The following DYNC2H1 variants were observed in gnomAD, a reference collection of about 807,000 sequenced individuals.
The protein encoded by DYNC2H1 is dynein cytoplasmic 2 heavy chain 1.
A neutral mutation model predicts 570.0 loss-of-function variants in DYNC2H1; 410 were observed. The ratio of observed to expected loss-of-function variants is 0.72; its 90% CI spans 0.66 to 0.78. The LOEUF (loss-of-function observed/expected upper bound fraction) is 0.78, where lower values mean the gene tolerates loss of function less well. Among genes scored for constraint, DYNC2H1 ranks in the 30% least tolerant of loss-of-function variants. DYNC2H1 has a pLI of 0.00. For synonymous variants in DYNC2H1, 1,688 were observed against 1,677.6 expected, an observed-to-expected ratio of 1.01 and a Z score of -0.15; for missense variants, 4,865 against 5,046.4, an observed-to-expected ratio of 0.96 and a Z score of 1.09.
At chr11:103,444,397 G>T (rs551888) in intron 85 of DYNC2H1, among the ~76,000 whole-genome samples, 92,395 of 151,726 alleles carry the variant, frequency 0.61, 29,884 homozygotes, top group African/African-American at 0.81. Context: ...CTTGTTGACA[G>T]TACTAACATT....
intron 20 of DYNC2H1, 79 bp downstream of exon 20, chr11:103,148,696 T>G (rs1423086758): frequency 6.9e-7 from 1 of 1,449,304 alleles, no homozygotes; most frequent in Non-Finnish European, 9.2e-7. Flanking sequence ...TTTATGTCAT[T>G]ATTTACAAAT....
In DYNC2H1 at chr11:103,156,532, G is replaced by T; in HGVS notation, c.3889G>T (p.Asp1297Tyr). The T allele has an allele frequency of 1.2e-6, 2 of 1,613,760 alleles. No individual in the cohort carries two copies. The highest frequency in any genetic ancestry group is 2.7e-5 in the African/African-American group (2 of 75,028). The change falls in exon 26 of 89, where the codon GAT becomes TAT. Residue 1297 changes from aspartate to tyrosine, a missense_variant. By Grantham distance (160) the Asp-to-Tyr change is radical. Around this residue, in one of 5 missense-constraint regions of DYNC2H1, gnomAD observed 1,936 missense variants for 1,962.1 expected, o/e 0.99. Transcript: ENST00000375735. ...TATGAAGCTGATTAAAGACTGGAAAGATATAGTAAATCAGGTTGGAGATAA... is the reference window on the plus strand; with the variant it reads ...TATGAAGCTGATTAAAGACTGGAAATATATAGTAAATCAGGTTGGAGATAA... ...RTMKLIKDWK[D>Y]IVNQVGDNRC...
At chr11:103,195,436 A>AT (rs1277612689) in intron 47 of DYNC2H1, among the ~76,000 whole-genome samples, 4 of 152,238 alleles carry the variant, frequency 2.6e-5, no homozygotes, top group Admixed American at 2.6e-4. Context: ...TTCTGCCTGA[A>AT]TTGCTTTTGC....
At chr11:103,290,460 A>G (rs1028431988) in intron 75 of DYNC2H1, among the ~76,000 whole-genome samples, 3 of 152,192 alleles carry the variant, frequency 2.0e-5, no homozygotes, top group Non-Finnish European at 4.4e-5. Context: ...TTGGCAGAGT[A>G]ATTATCCACC....
intron 72 of DYNC2H1, 73 bp from the exon 73 acceptor site, chr11:103,282,935 G>A: frequency 9.5e-7 from 1 of 1,055,698 alleles, no homozygotes; most frequent in Non-Finnish European, 1.4e-6. Flanking sequence ...TAATAAAATA[G>A]CTAATCAATT....
intron 17 of DYNC2H1, among the ~76,000 whole-genome samples, chr11:103,136,512 A>G (rs9734946): frequency 0.83 from 125,619 of 151,908 alleles, 53,732 homozygotes; most frequent in Non-Finnish European, 0.92. Flanking sequence ...TACTGAGAAT[A>G]ATGATTTCCA....
Position 103,479,780 on chromosome 11 carries a change from CTT to C in DYNC2H1, c.*528_*529del, listed in dbSNP as rs1945684193. On this transcript the variant is annotated 3_prime_UTR_variant, in exon 89 of 89. Coordinates refer to ENST00000375735, the MANE Select transcript of DYNC2H1 (RefSeq NM_001377.3). The stretch of plus-strand genomic sequence containing the variant: ...ATAATTATATACTTATAACTAATAT[CTT>C]AAGGTAATTCAAATAGGAATAATTC... The C allele has an allele frequency of 6.6e-6, 1 of 151,740 alleles. No individual in the cohort carries two copies. The highest frequency in any genetic ancestry group is 2.1e-4 in the South Asian group (1 of 4,818). 9.4% of individuals were successfully genotyped at this position (151,740 alleles called of 1,614,324 possible).
At position 103,134,898 on chromosome 11, in the gene DYNC2H1, G is replaced by A. The variant is rs2134776509; in HGVS notation, c.2205+479G>A. Among the ~76,000 whole-genome samples the A allele has an allele frequency of 1.3e-5, 2 of 152,050 alleles. 1 individual carries two copies. The highest frequency in any genetic ancestry group is 4.2e-4 in the South Asian group (2 of 4,806). ...GCACAAAGCCTGCTACATAGTAGATGGTAATGAAATCTTAGCAGAATATGA... is the reference window on the plus strand; with the variant it reads ...GCACAAAGCCTGCTACATAGTAGATAGTAATGAAATCTTAGCAGAATATGA... On this transcript the variant is annotated intron_variant, in intron 15 of 88. Coordinates refer to ENST00000375735, the MANE Select transcript of DYNC2H1 (RefSeq NM_001377.3).
chr11:103,115,696 T>C (rs1403536910), intron 4 of DYNC2H1, among the ~76,000 whole-genome samples: 1 of 151,970 alleles, frequency 6.6e-6, no homozygotes, highest in Admixed American at 6.6e-5. Context: ...TGAGGCAGGA[T>C]AATCACCTGA....
intron 70 of DYNC2H1, among the ~76,000 whole-genome samples, chr11:103,276,668 T>C (rs1865918420): frequency 6.6e-6 from 1 of 152,146 alleles, no homozygotes; most frequent in Admixed American, 6.6e-5. Context: ...TCCATATATG[T>C]ATGTTTTTAT....
At chr11:103,374,590 T>A (rs1941315540) in intron 83 of DYNC2H1, among the ~76,000 whole-genome samples, 1 of 152,166 alleles carries the variant, frequency 6.6e-6, no homozygotes, top group Non-Finnish European at 1.5e-5. Context: ...ACCAAAATGC[T>A]GATAGTGATA....
intron 48 of DYNC2H1, among the ~76,000 whole-genome samples, chr11:103,198,280 G>T (rs1369618820): frequency 6.6e-6 from 1 of 152,118 alleles, no homozygotes; most frequent in African/African-American, 2.4e-5. Context: ...TTTGGGCAAA[G>T]GTATGTTGGA....
chr11:103,399,800 CAA>C lies in DYNC2H1; in HGVS notation c.12296_12297del (p.Lys4099SerfsTer58), dbSNP rs745679042. The C allele has an allele frequency of 1.2e-6, 2 of 1,613,922 alleles. No homozygotes were observed. The highest frequency in any genetic ancestry group is 1.1e-5 in the South Asian group (1 of 91,084). On this transcript the variant is annotated frameshift_variant, in exon 84 of 89. Transcript: ENST00000375735. LOFTEE classifies it high-confidence loss of function. ...TCCACCAGTCTCTTGCTGCTCTCAG[CAA>C]AGTCATCAGAGGAACTACTTTACTG... ...SVHQSLAALSKVIRGTTLLSS... is the reference protein window; with the variant it reads ...SVHQSLAALSXVIRGTTLLSS...
intron 24 of DYNC2H1, 22 bp downstream of exon 24, chr11:103,154,831 G>T (rs893851753): frequency 6.6e-7 from 1 of 1,509,264 alleles, no homozygotes; most frequent in Non-Finnish European, 8.9e-7. Flanking sequence ...TTATTATTTT[G>T]CCAATTAAAA....
chr11:103,217,625 A>G (rs936208612), intron 55 of DYNC2H1, among the ~76,000 whole-genome samples: 4 of 152,184 alleles, frequency 2.6e-5, no homozygotes, highest in Non-Finnish European at 5.9e-5. Context: ...ATGAAATTAT[A>G]AAACTTAGAA....
chr11:103,222,140 C>T lies in DYNC2H1; in HGVS notation c.9218C>T (p.Ser3073Phe). 1 of 1,558,762 alleles carries T rather than the reference C, an allele frequency of 6.4e-7. No homozygotes were observed. The highest frequency in any genetic ancestry group is 8.7e-7 in the Non-Finnish European group (1 of 1,147,730). ...GAACTTCTTTTTAAAAATAAAGGCT[C>T]TTTTGATCCAAAGGTAATTTTTAAG... The part of the protein sequence containing the change: ...VEELLFKNKG[S>F]FDPKNAKRAS... The change falls in exon 58 of 89, where the codon TCT (serine) becomes TTT (phenylalanine). Residue 3073 changes from serine (S) to phenylalanine (F), a missense_variant. By Grantham distance (155) the Ser-to-Phe change is radical. Around this residue, in one of 5 missense-constraint regions of DYNC2H1, gnomAD observed 2,401 missense variants for 2,454.6 expected, o/e 0.98. Coordinates refer to ENST00000375735, the MANE Select transcript of DYNC2H1 (RefSeq NM_001377.3).
chr11:103,169,798 G>A (rs944865411), intron 32 of DYNC2H1, among the ~76,000 whole-genome samples: 5 of 152,110 alleles, frequency 3.3e-5, no homozygotes, highest in Non-Finnish European at 7.4e-5. Context: ...GATGATTACT[G>A]TATAATAATT....
Position 103,112,925 on chromosome 11 carries a change from C to T in DYNC2H1, c.196-612C>T, listed in dbSNP as rs116987740. 1.1e-4 allele frequency among the ~76,000 whole-genome samples: 16 copies of T among 152,156 alleles called. No individual in the cohort carries two copies. In the East Asian group the frequency reaches 2.7e-3, roughly 26 times the overall value. On this transcript the variant is annotated intron_variant, in intron 1 of 88. Transcript: ENST00000375735. ...AATTCCAATTGAGTTCATCTGGTTC[C>T]GATTTAAAATAATCTAGCTATATGA... is the stretch of plus-strand genomic sequence containing the variant.
At chr11:103,424,478 C>T (rs1056155400) in intron 84 of DYNC2H1, among the ~76,000 whole-genome samples, 4 of 151,936 alleles carry the variant, frequency 2.6e-5, no homozygotes, top group East Asian at 1.9e-4. Context: ...CCAAGAGAAA[C>T]GAAAGCATAT....
Sources: gnomAD v4.1 joint callset for allele counts (sites outside exome capture counted in the v4.1 genomes callset) on GRCh38, gnomAD v4.1.1 for gene constraint, gnomAD v4.1.1 regional missense constraint, MANE v1.5 for transcripts, NCBI Gene and HGNC (gene_info 2026-07-23, HGNC 2026-07-21) for gene names.